Variants in CHN2 observed in about 807,000 individuals in gnomAD.
CHN2 encodes the protein chimerin 2, also known as beta-chimaerin.
In CHN2, 35 loss-of-function variants were observed where a neutral mutation model predicts 56.3. The observed-to-expected ratio is 0.62, with a 90% CI of 0.47 to 0.82. CHN2 has a LOEUF of 0.82. CHN2 is among the 40% of genes least tolerant of loss of function. The pLI, the probability that CHN2 is intolerant of heterozygous loss-of-function variation, is 0.00. For synonymous variants in CHN2, 210 were observed against 212.8 expected, an observed-to-expected ratio of 0.99 and a Z score of 0.12; for missense variants, 491 against 580.5, an observed-to-expected ratio of 0.85 and a Z score of 1.58.
intron 6 of CHN2, 92 bp downstream of exon 6, chr7:29,400,920 G>A: frequency 7.8e-7 from 1 of 1,288,572 alleles, no homozygotes; most frequent in Non-Finnish European, 1.1e-6. Flanking sequence ...TGAAATGTTG[G>A]AGGAGACCCA....
Position 29,381,774 on chromosome 7 carries a change from T to C in CHN2, c.145-11905T>C, listed in dbSNP as rs558410260. Among the ~76,000 whole-genome samples, 8 of 119,970 alleles carry C rather than the reference T, an allele frequency of 6.7e-5. No homozygotes were observed. The East Asian group carries it at 1.2e-3, about 19-fold the overall frequency. 78.7% of individuals were successfully genotyped at this position (119,970 alleles called of 152,430 possible). Reference sequence around the variant, plus strand: ...ATGGAAATATCACTTAGAATTCTATTGTAAGCAATAAAAGTCTATTCTCAC... The same window carrying C: ...ATGGAAATATCACTTAGAATTCTATCGTAAGCAATAAAAGTCTATTCTCAC... On this transcript the variant is annotated intron_variant, in intron 3 of 12. Coordinates refer to ENST00000222792, the MANE Select transcript of CHN2 (RefSeq NM_004067.4).
rs745379471 is a variant in CHN2 at position 29,480,326 on chromosome 7, C to T, written c.624C>T (p.His208=). The T allele has an allele frequency of 6.2e-7, 1 of 1,614,194 alleles. No homozygotes were observed. The highest frequency in any genetic ancestry group is 8.5e-7 in the Non-Finnish European group (1 of 1,180,030). ...CTGCCCTCACACACAACGACAACCACTTCAATTATGAGAAGACACACAACT... is the reference window on the plus strand; with the variant it reads ...CTGCCCTCACACACAACGACAACCATTTCAATTATGAGAAGACACACAACT... ...RRAALTHNDN[H]FNYEKTHNFK... is the part of the protein sequence containing the mutation. The change falls in exon 7 of 13, where the codon CAC becomes CAT. Residue 208 remains histidine (H), a synonymous_variant. Coordinates refer to ENST00000222792, the MANE Select transcript of CHN2 (RefSeq NM_004067.4).
At chr7:29,500,126 C>G in intron 9 of CHN2, 86 bp downstream of exon 9, 1 of 1,078,830 alleles carries the variant, frequency 9.3e-7, no homozygotes. Context: ...CAGAGTTGCT[C>G]TACTACTCTT....
chr7:29,295,175 CAAAGAA>C lies in CHN2; in HGVS notation c.50-59445_50-59440del, dbSNP rs200922094. ...CTCTGTATTGTTTAGGGAATAATGA[CAAAGAA>C]AAAGTCTGTACATGTTCAGTACAGA... is the stretch of plus-strand genomic sequence containing the variant. On this transcript the variant is annotated intron_variant, in intron 1 of 12. Coordinates refer to ENST00000222792, the MANE Select transcript of CHN2 (RefSeq NM_004067.4). Among the ~76,000 whole-genome samples, 1,050 of 152,060 alleles carry C rather than the reference CAAAGAA, an allele frequency of 6.9e-3. 11 individuals are homozygous for C. The highest frequency in any genetic ancestry group is 0.024 in the African/African-American group (1,003 of 41,466).
chr7:29,257,305 G>A (rs1277301845), intron 1 of CHN2, among the ~76,000 whole-genome samples: 2 of 151,926 alleles, frequency 1.3e-5, no homozygotes, highest in Non-Finnish European at 1.5e-5. Flanking sequence ...TCTTTCAATC[G>A]CCACTTCAGT....
chr7:29,237,927 G>A (rs1324657239), intron 1 of CHN2, among the ~76,000 whole-genome samples: 1 of 151,868 alleles, frequency 6.6e-6, no homozygotes, highest in Non-Finnish European at 1.5e-5. Flanking sequence ...CTGCTGCACG[G>A]CACAGCATTG....
intron 3 of CHN2, among the ~76,000 whole-genome samples, chr7:29,392,389 C>T (rs1801435466): frequency 6.6e-6 from 1 of 152,176 alleles, no homozygotes; most frequent in Non-Finnish European, 1.5e-5. Context: ...CCTTTTTACA[C>T]ACTTTCTGCT....
At chr7:29,310,353 A>T (rs1300438322) in intron 1 of CHN2, among the ~76,000 whole-genome samples, 2 of 152,242 alleles carry the variant, frequency 1.3e-5, no homozygotes, top group Admixed American at 1.3e-4. Context: ...TTTAATTTTT[A>T]AAAATCAAGC....
intron 2 of CHN2, among the ~76,000 whole-genome samples, chr7:29,166,027 GT>G (rs1444361902): frequency 1.3e-5 from 2 of 151,950 alleles, no homozygotes; most frequent in Non-Finnish European, 2.9e-5. Context: ...TGCAAAGTGG[GT>G]TTTTGTTTGT....
chr7:29,232,519 A>G (rs1786795224), intron 1 of CHN2, among the ~76,000 whole-genome samples: 1 of 152,212 alleles, frequency 6.6e-6, no homozygotes. Context: ...TATATTCAAC[A>G]GATACTATTT....
At position 29,403,214 on chromosome 7, in the gene CHN2, C is replaced by T. The variant is rs114930176; in HGVS notation, c.576+2386C>T. 4.1e-3 allele frequency among the ~76,000 whole-genome samples: 617 copies of T among 151,586 alleles called. 3 individuals carry two copies. The highest frequency in any genetic ancestry group is 0.014 in the African/African-American group (585 of 41,328). On this transcript the variant is annotated intron_variant, in intron 6 of 12. Coordinates refer to ENST00000222792, the MANE Select transcript of CHN2 (RefSeq NM_004067.4). ...CAAGTGGAATTATTAAAGGTCTCAG[C>T]CTTGCCAGAGATTCTGTTTCCCTTA...
At chr7:29,437,597 CAA>C (rs11436612) in intron 6 of CHN2, among the ~76,000 whole-genome samples, 14 of 52,582 alleles carry the variant, frequency 2.7e-4, no homozygotes, top group East Asian at 4.2e-4. Context: ...GACTCCGTCT[CAA>C]AAAAAAAAAA....
chr7:29,422,250 G>A (rs768230957), intron 6 of CHN2, among the ~76,000 whole-genome samples: 1 of 152,158 alleles, frequency 6.6e-6, no homozygotes. Context: ...AAGGTTGGGC[G>A]TGGAACCTCT....
intron 1 of CHN2, among the ~76,000 whole-genome samples, chr7:29,227,762 C>A (rs575898603): frequency 2.6e-5 from 4 of 152,266 alleles, no homozygotes; most frequent in African/African-American, 9.6e-5. Flanking sequence ...CTTTTGACTT[C>A]CTCAGCACTT....
At chr7:29,389,080 T>A (rs1403219442) in intron 3 of CHN2, among the ~76,000 whole-genome samples, 1 of 151,566 alleles carries the variant, frequency 6.6e-6, no homozygotes, top group Non-Finnish European at 1.5e-5. Flanking sequence ...AAATTCCCAT[T>A]GCTCAGAGCA....
At chr7:29,305,998 G>GGAAT (rs1264555300) in intron 1 of CHN2, among the ~76,000 whole-genome samples, 1 of 151,828 alleles carries the variant, frequency 6.6e-6, no homozygotes, top group Middle Eastern at 3.2e-3. Flanking sequence ...TAGCTCTGCT[G>GGAAT]GAATGGTATA....
chr7:29,239,600 C>T lies in CHN2; in HGVS notation c.49+44610C>T, dbSNP rs551813763. Among the ~76,000 whole-genome samples, 20 of 152,302 alleles carry T rather than the reference C, an allele frequency of 1.3e-4. 1 individual carries two copies. In the South Asian group the frequency reaches 3.9e-3, roughly 30 times the overall value. ...CATTCAACCCTACCTTTCATATCAC[C>T]TCCCTACCTTGGCCTAAGTCTCAAA... On this transcript the variant is annotated intron_variant, in intron 1 of 12. Transcript: ENST00000222792.
At chr7:29,339,969 T>G (rs1796917751) in intron 1 of CHN2, among the ~76,000 whole-genome samples, 1 of 152,156 alleles carries the variant, frequency 6.6e-6, no homozygotes, top group Non-Finnish European at 1.5e-5. Flanking sequence ...ATCCAGCTGC[T>G]CTTATATAAT....
At chr7:29,382,941 T>C (rs74845017) in intron 3 of CHN2, among the ~76,000 whole-genome samples, 12,771 of 152,128 alleles carry the variant, frequency 0.084, 610 homozygotes, top group Middle Eastern at 0.16. Context: ...CATGAAGAAC[T>C]GAGGGGTGAG....
Sources: allele counts gnomAD v4.1 joint callset (sites outside exome capture counted in the v4.1 genomes callset), GRCh38; gene constraint gnomAD v4.1.1; transcripts MANE v1.5; gene names NCBI Gene and HGNC (gene_info 2026-07-23, HGNC 2026-07-21).